IFT88: variants seen among roughly 807,000 people sequenced by gnomAD.
The protein encoded by IFT88 is intraflagellar transport 88.
In IFT88, 74 loss-of-function variants were observed where a neutral mutation model predicts 119.5. That is an observed-to-expected ratio of 0.62 (90% CI 0.51 to 0.75). The LOEUF (loss-of-function observed/expected upper bound fraction) is 0.75. Among genes scored for constraint, IFT88 ranks in the 30% least tolerant of loss-of-function variants. The pLI is 0.00. For synonymous variants in IFT88, 279 were observed against 316.7 expected (o/e 0.88, Z 1.26); for missense variants, 961 against 977.7 (o/e 0.98, Z 0.23).
rs1431565647 is a variant in IFT88 at position 20,599,553 on chromosome 13, A to G, written c.800A>G (p.Asn267Ser). Residue 267 changes from asparagine to serine, a missense_variant, in exon 11 of 26, where the codon AAT becomes AGT. Physicochemically the swap from Asn to Ser is conservative, Grantham distance 46 (BLOSUM62 1). Transcript: ENST00000351808. ...RMALDQVPSV[N>S]KQMRIKIMQN... Reference sequence around the variant, plus strand: ...GCATTAGACCAAGTTCCAAGTGTCAATAAGCAAATGAGGTAAGTTTATAAC... The same window carrying G: ...GCATTAGACCAAGTTCCAAGTGTCAGTAAGCAAATGAGGTAAGTTTATAAC... The G allele has an allele frequency of 4.1e-6, 6 of 1,457,700 alleles. No individual in the cohort carries two copies. The highest frequency in any genetic ancestry group is 2.8e-5 in the African/African-American group (2 of 70,766). The allele number at this position is 1,457,700 out of a possible 1,614,324, so 90.3% of individuals were successfully genotyped here. A position where few individuals can be genotyped will look rare whatever the true frequency, so the allele number is the denominator to read the frequency against.
intron 20 of IFT88, among the ~76,000 whole-genome samples, chr13:20,650,122 C>T (rs1387152786): frequency 6.6e-6 from 1 of 152,044 alleles, no homozygotes; most frequent in Non-Finnish European, 1.5e-5. Flanking sequence ...CTTCCTAACT[C>T]AGTCAGTGAG....
chr13:20,657,004 G>A (rs1027263476), intron 22 of IFT88, among the ~76,000 whole-genome samples: 3 of 152,104 alleles, frequency 2.0e-5, no homozygotes, highest in East Asian at 1.9e-4. Flanking sequence ...GACTCTAGGC[G>A]CGCACCACCG....
At chr13:20,618,644 G>C (rs909669292) in intron 14 of IFT88, among the ~76,000 whole-genome samples, 1 of 152,108 alleles carries the variant, frequency 6.6e-6, no homozygotes, top group Non-Finnish European at 1.5e-5. Flanking sequence ...TAGAGATTCA[G>C]TTGGTCTTAA....
chr13:20,615,727 T>G, intron 13 of IFT88, 66 bp from the exon 14 acceptor site: 2 of 874,910 alleles, frequency 2.3e-6, no homozygotes, highest in Non-Finnish European at 1.7e-6. Flanking sequence ...TACACTTAAA[T>G]TTTAGGAAAT....
Position 20,607,831 on chromosome 13 carries a change from A to G in IFT88, c.1112+2726A>G, listed in dbSNP as rs550490911. The stretch of plus-strand genomic sequence containing the variant: ...AGTTGTCAATGCCACCAAGAGAATC[A>G]TGGTCATCACAGTGTCCCTGATCAT... On this transcript the variant is annotated intron_variant, in intron 13 of 25. Transcript: ENST00000351808. The G allele has an allele frequency of 1.9e-5, 14 of 733,516 alleles. No homozygotes were observed. In the East Asian group the frequency reaches 3.7e-4, roughly 20 times the overall value. The allele number at this position is 733,516 out of a possible 1,614,324, so 45.4% of individuals were successfully genotyped here.
chr13:20,597,768 TA>T (rs1362689808), intron 9 of IFT88, among the ~76,000 whole-genome samples: 28 of 149,160 alleles, frequency 1.9e-4, no homozygotes, highest in African/African-American at 5.1e-4. Flanking sequence ...TATATATATA[TA>T]TTTTTTTTTT....
intron 24 of IFT88, among the ~76,000 whole-genome samples, chr13:20,687,082 G>T (rs545772913): frequency 7.1e-6 from 1 of 141,324 alleles, no homozygotes; most frequent in Non-Finnish European, 1.5e-5. Flanking sequence ...ACTCTAAAAT[G>T]TTACAAATAG....
intron 9 of IFT88, 143 bp from the exon 10 acceptor site, chr13:20,598,508 T>C: frequency 4.0e-6 from 2 of 496,280 alleles, no homozygotes; most frequent in Non-Finnish European, 7.3e-6. Flanking sequence ...GATAATTCTT[T>C]TGTTTACTTA....
At chr13:20,601,978 G>A (rs1454655799) in intron 12 of IFT88, 45 bp downstream of exon 12, 5 of 1,078,960 alleles carry the variant, frequency 4.6e-6, no homozygotes, top group Non-Finnish European at 6.9e-6. Flanking sequence ...CCACTTATCT[G>A]TGCTTTTCTG....
chr13:20,634,106 TC>T (rs1158982061), intron 16 of IFT88, among the ~76,000 whole-genome samples: 2 of 152,276 alleles, frequency 1.3e-5, no homozygotes, highest in Non-Finnish European at 2.9e-5. Context: ...CAGCAGGGGA[TC>T]CCAGCCTTCT....
chr13:20,641,296 C>T lies in IFT88; in HGVS notation c.1580C>T (p.Thr527Ile). 1 of 1,600,014 alleles carries T rather than the reference C, an allele frequency of 6.2e-7. No individual in the cohort carries two copies. Among genetic ancestry groups the T allele is most frequent in the South Asian group, 1.1e-5 (1 of 89,436 alleles). Reference protein sequence around the residue: ...CTEALYNIGLTYEKLNRLDEA... With the variant: ...CTEALYNIGLIYEKLNRLDEA... ...TTTTTCTTCTTTTTTTAAGGCCTTA[C>T]CTATGAGAAACTAAATCGGCTAGAT... The change falls in exon 18 of 26, where the codon ACC becomes ATC. Residue 527 changes from threonine (T) to isoleucine (I), a missense_variant. Coordinates refer to ENST00000351808, the MANE Select transcript of IFT88 (RefSeq NM_006531.5).
intron 7 of IFT88, among the ~76,000 whole-genome samples, chr13:20,594,450 A>G (rs930328776): frequency 6.6e-6 from 1 of 152,124 alleles, no homozygotes; most frequent in African/African-American, 2.4e-5. Context: ...GATTCTCTTG[A>G]CTTGCTTAGA....
At chr13:20,655,176 G>A (rs1436275170) in intron 21 of IFT88, among the ~76,000 whole-genome samples, 1 of 152,196 alleles carries the variant, frequency 6.6e-6, no homozygotes, top group Non-Finnish European at 1.5e-5. Context: ...GCTCACGCCT[G>A]TAATTCCAGC....
chr13:20,616,935 GTTTTT>G (rs200313608), intron 14 of IFT88, among the ~76,000 whole-genome samples: 1 of 150,750 alleles, frequency 6.6e-6, no homozygotes, highest in Non-Finnish European at 1.5e-5. Context: ...CTTTTTTTTG[GTTTTT>G]TTTTGTTGTT....
chr13:20,647,864 T>C (rs1319581791), intron 20 of IFT88, among the ~76,000 whole-genome samples: 2 of 152,174 alleles, frequency 1.3e-5, no homozygotes, highest in African/African-American at 2.4e-5. Context: ...GAATTCTATG[T>C]AGGAAAAACA....
chr13:20,626,590 A>G (rs539700150), intron 15 of IFT88, among the ~76,000 whole-genome samples: 4 of 152,156 alleles, frequency 2.6e-5, no homozygotes, highest in South Asian at 4.2e-4. Flanking sequence ...CCTCATTGAC[A>G]CTGCATTGGG....
At position 20,638,589 on chromosome 13, in the gene IFT88, C is replaced by T. The variant is rs939676875; in HGVS notation, c.1573+71C>T. On this transcript the variant is annotated intron_variant, in intron 17 of 25. Coordinates refer to ENST00000351808, the MANE Select transcript of IFT88 (RefSeq NM_006531.5). ...TTGTATTTGTTTTTGTTTTGTTTTGCTTAAAGAGCTCTAACACATTAGGAG... is the reference window on the plus strand; with the variant it reads ...TTGTATTTGTTTTTGTTTTGTTTTGTTTAAAGAGCTCTAACACATTAGGAG... The T allele has an allele frequency of 5.4e-6, 6 of 1,116,732 alleles. No individual in the cohort carries two copies. The Admixed American group carries it at 9.8e-5, about 18-fold the overall frequency. 69.2% of individuals were successfully genotyped at this position (1,116,732 alleles called of 1,614,324 possible).
intron 21 of IFT88, among the ~76,000 whole-genome samples, chr13:20,654,480 G>A (rs533792673): frequency 1.3e-5 from 2 of 152,308 alleles, no homozygotes; most frequent in East Asian, 1.9e-4. Context: ...TGAATAATAT[G>A]CATAAAATAT....
intron 23 of IFT88, among the ~76,000 whole-genome samples, chr13:20,665,104 G>C (rs1206114697): frequency 6.6e-6 from 1 of 151,070 alleles, no homozygotes; most frequent in Admixed American, 6.6e-5. Flanking sequence ...CAAAAATGCA[G>C]AATATTTTCA....
Sources: allele counts gnomAD v4.1 joint callset (sites outside exome capture counted in the v4.1 genomes callset), GRCh38; gene constraint gnomAD v4.1.1; transcripts MANE v1.5; gene names NCBI Gene and HGNC (gene_info 2026-07-23, HGNC 2026-07-21).